SLC45A4: variants seen among roughly 807,000 people sequenced by gnomAD.
SLC45A4 encodes the protein polyamine-transporter SLC45A4.
SLC45A4 carries 32 observed loss-of-function variants against 63.7 expected under a neutral mutation model. That is an observed-to-expected ratio of 0.50 (90% CI 0.38 to 0.67). The LOEUF (loss-of-function observed/expected upper bound fraction) is 0.67. Ranked by LOEUF, SLC45A4 falls within the 30% of genes least tolerant of loss-of-function variation. The pLI, the probability that SLC45A4 is intolerant of heterozygous loss-of-function variation, is 0.00. For missense variants in SLC45A4, 1,027 were observed against 1,157.7 expected, an observed-to-expected ratio of 0.89 and a Z score of 1.64; for synonymous variants, 535 against 510.0, an observed-to-expected ratio of 1.05 and a Z score of -0.66.
chr8:141,238,823 C>T (rs1827753636), intron 2 of SLC45A4, among the ~76,000 whole-genome samples: 1 of 152,204 alleles, frequency 6.6e-6, no homozygotes, highest in African/African-American at 2.4e-5. Flanking sequence ...AGGGGGCCGG[C>T]GCGGGGCAGA....
At chr8:141,297,039 G>A (rs528237812) in intron 1 of SLC45A4, among the ~76,000 whole-genome samples, 5 of 152,258 alleles carry the variant, frequency 3.3e-5, no homozygotes, top group South Asian at 4.1e-4. Flanking sequence ...TCTACGGTAC[G>A]TGTTTGAAGC....
At chr8:141,216,062 C>T in intron 6 of SLC45A4, 92 bp from the exon 7 acceptor site, 2 of 1,133,660 alleles carry the variant, frequency 1.8e-6, no homozygotes, top group South Asian at 2.8e-5. Flanking sequence ...CCCCCACATC[C>T]CCCCGACCTC....
chr8:141,227,176 A>G lies in SLC45A4; in HGVS notation c.242-5411T>C, dbSNP rs1372503329. ...TTGAACAACAATGGTGAGACCAGGA[A>G]GGCTCTCCGTTCACAGGAAATACTG... On this transcript the variant is annotated intron_variant, in intron 2 of 8. Coordinates refer to ENST00000517878, the MANE Select transcript of SLC45A4 (RefSeq NM_001286646.2). This position sits in a 1 kb window ranked among gnomAD's most constrained non-coding sequence, Gnocchi z 4.4. Among the ~76,000 whole-genome samples the G allele has an allele frequency of 6.6e-6, 1 of 152,218 alleles. No individual in the cohort carries two copies. Among genetic ancestry groups the G allele is most frequent in the Non-Finnish European group, 1.5e-5 (1 of 68,052 alleles).
At chr8:141,307,654 A>T (rs1008574384) in intron 1 of SLC45A4, among the ~76,000 whole-genome samples, 9 of 152,092 alleles carry the variant, frequency 5.9e-5, no homozygotes, top group Non-Finnish European at 1.2e-4. Context: ...TAGAGATAGC[A>T]GGCAGGGGTT....
chr8:141,258,060 CTTTT>C (rs3072057), intron 1 of SLC45A4, among the ~76,000 whole-genome samples: 40 of 123,284 alleles, frequency 3.2e-4, no homozygotes, highest in African/African-American at 5.3e-4. Flanking sequence ...TTTCTTCTTC[CTTTT>C]TTTTTTTTTT....
At chr8:141,284,545 C>A (rs549795228) in intron 1 of SLC45A4, among the ~76,000 whole-genome samples, 1 of 152,316 alleles carries the variant, frequency 6.6e-6, no homozygotes, top group South Asian at 2.1e-4. Flanking sequence ...TCCTTATTTG[C>A]CACTCTGAAA....
intron 2 of SLC45A4, among the ~76,000 whole-genome samples, chr8:141,250,335 A>T (rs965934091): frequency 2.0e-5 from 3 of 152,028 alleles, no homozygotes; most frequent in Non-Finnish European, 4.4e-5. Flanking sequence ...AAGATCTTCA[A>T]CACTTTATTA....
At chr8:141,280,166 C>T (rs1162084102) in intron 1 of SLC45A4, among the ~76,000 whole-genome samples, 1 of 152,214 alleles carries the variant, frequency 6.6e-6, no homozygotes, top group East Asian at 1.9e-4. Context: ...AGCAGCAGGA[C>T]TCACCTTGGG....
intron 1 of SLC45A4, among the ~76,000 whole-genome samples, chr8:141,305,931 T>G (rs1329723356): frequency 2.2e-4 from 33 of 152,280 alleles, no homozygotes. Context: ...TCTCCTTCCC[T>G]GCAGATCTGC....
intron 1 of SLC45A4, among the ~76,000 whole-genome samples, chr8:141,268,411 C>T (rs1829371125): frequency 6.6e-6 from 1 of 152,192 alleles, no homozygotes; most frequent in African/African-American, 2.4e-5. Context: ...ACTGGAGCTA[C>T]AGCACCCAGA....
rs575699798 is a variant in SLC45A4 at position 141,274,304 on chromosome 8, C to T, written c.-400-19675G>A. 4.1e-4 allele frequency among the ~76,000 whole-genome samples: 63 copies of T among 152,082 alleles called. 1 individual carries two copies. The highest frequency in any genetic ancestry group is 2.5e-3 in the South Asian group (12 of 4,822). On this transcript the variant is annotated intron_variant, in intron 1 of 8. Coordinates refer to ENST00000517878, the MANE Select transcript of SLC45A4 (RefSeq NM_001286646.2). ...ATCCCAGCACTTTGGGAGGCTGAGG[C>T]GGGTGGATCACCCGAGGTCAGGAGT...
chr8:141,302,921 G>A (rs949128398), intron 1 of SLC45A4, among the ~76,000 whole-genome samples: 47 of 151,642 alleles, frequency 3.1e-4, no homozygotes, highest in African/African-American at 1.1e-3. Context: ...CTAAAATGAT[G>A]ACTACATTGT....
intron 1 of SLC45A4, among the ~76,000 whole-genome samples, chr8:141,267,884 A>G (rs1481963792): frequency 6.6e-6 from 1 of 151,868 alleles, no homozygotes; most frequent in Non-Finnish European, 1.5e-5. Flanking sequence ...TGCAGCAACC[A>G]CTTCGAAAGA....
chr8:141,298,859 C>A (rs970868404), intron 1 of SLC45A4, among the ~76,000 whole-genome samples: 3 of 152,014 alleles, frequency 2.0e-5, no homozygotes, highest in Non-Finnish European at 4.4e-5. Flanking sequence ...GCATGGAGGG[C>A]ACTGCTGCAT....
chr8:141,257,947 A>G (rs1338862320), intron 1 of SLC45A4, among the ~76,000 whole-genome samples: 2 of 151,864 alleles, frequency 1.3e-5, no homozygotes, highest in Non-Finnish European at 2.9e-5. Context: ...TTCCGAGTCC[A>G]CCGACAAGAC....
intron 1 of SLC45A4, among the ~76,000 whole-genome samples, chr8:141,263,713 T>A (rs59709720): frequency 0.026 from 3,754 of 143,092 alleles, 70 homozygotes; most frequent in Middle Eastern, 0.088. Context: ...GAGGTTGCAG[T>A]GAGCCGAAAC....
intron 2 of SLC45A4, among the ~76,000 whole-genome samples, chr8:141,238,929 C>T (rs867673009): frequency 7.9e-5 from 12 of 152,132 alleles, no homozygotes; most frequent in African/African-American, 2.7e-4. Context: ...AACCCCAGTG[C>T]CAGGTACTCT....
chr8:141,274,022 G>A (rs1829637278), intron 1 of SLC45A4, among the ~76,000 whole-genome samples: 1 of 151,754 alleles, frequency 6.6e-6, no homozygotes, highest in Non-Finnish European at 1.5e-5. Context: ...GAGGTCAGAA[G>A]ATTGAGACCA....
At chr8:141,270,715 G>A (rs1222851648) in intron 1 of SLC45A4, among the ~76,000 whole-genome samples, 1 of 152,112 alleles carries the variant, frequency 6.6e-6, no homozygotes, top group Non-Finnish European at 1.5e-5. Flanking sequence ...ACCTCCAGGA[G>A]GCCTGGTGCA....
Sources: gnomAD v4.1 joint callset for allele counts (sites outside exome capture counted in the v4.1 genomes callset) on GRCh38, gnomAD v4.1.1 for gene constraint, Gnocchi (gnomAD v3.1) non-coding constraint, MANE v1.5 for transcripts, NCBI Gene and HGNC (gene_info 2026-07-23, HGNC 2026-07-21) for gene names.